The following TUSC3 variants were observed in gnomAD, a reference collection of about 807,000 sequenced individuals.
TUSC3 encodes tumor suppressor candidate 3.
TUSC3 carries 45 observed loss-of-function variants against 44.8 expected under a neutral mutation model. The ratio of observed to expected loss-of-function variants is 1.00; its 90% CI spans 0.79 to 1.29. The LOEUF (loss-of-function observed/expected upper bound fraction) is 1.29. TUSC3 is among the 50% of genes most tolerant of loss of function. The pLI, the probability that TUSC3 is intolerant of heterozygous loss-of-function variation, is 0.00. For missense variants in TUSC3, 519 were observed against 437.9 expected (o/e 1.19, Z -1.65); for synonymous variants, 212 against 152.9 (o/e 1.39, Z -2.85).
chr8:15,599,786 G>T (rs1804210348), intron 1 of TUSC3, among the ~76,000 whole-genome samples: 1 of 134,806 alleles, frequency 7.4e-6, no homozygotes, highest in Admixed American at 7.8e-5. Flanking sequence ...CTGTTATTTT[G>T]CCAGTACCCC....
intron 6 of TUSC3, among the ~76,000 whole-genome samples, chr8:15,702,884 G>A (rs1385197868): frequency 6.6e-6 from 1 of 152,090 alleles, no homozygotes; most frequent in East Asian, 1.9e-4. Flanking sequence ...GCATTGCTAG[G>A]CATAGTTGAC....
chr8:15,616,286 C>G (rs1373316759), intron 1 of TUSC3, among the ~76,000 whole-genome samples: 2 of 152,050 alleles, frequency 1.3e-5, no homozygotes, highest in Non-Finnish European at 2.9e-5. Context: ...ATATGTGTTT[C>G]AGAATATCAG....
intron 2 of TUSC3, 37 bp downstream of exon 2, chr8:15,623,286 T>G (rs762419157): frequency 6.5e-7 from 1 of 1,530,634 alleles, no homozygotes; most frequent in South Asian, 1.3e-5. Flanking sequence ...AAAACTATTA[T>G]TCTTGGTTTA....
At chr8:15,692,369 C>CT (rs1563175827) in intron 6 of TUSC3, among the ~76,000 whole-genome samples, 1 of 52,576 alleles carries the variant, frequency 1.9e-5, no homozygotes, top group Non-Finnish European at 3.7e-5. Context: ...CCCCCCCCCC[C>CT]CCTTTGTTTT....
intron 6 of TUSC3, among the ~76,000 whole-genome samples, chr8:15,681,723 GT>G (rs1185682951): frequency 1.3e-5 from 2 of 151,742 alleles, no homozygotes; most frequent in Non-Finnish European, 2.9e-5. Flanking sequence ...TTTTGGGCTA[GT>G]TTTTTCTTGT....
At chr8:15,504,590 T>G (rs1362206841) in intron 2 of TUSC3, among the ~76,000 whole-genome samples, 1 of 18,142 alleles carries the variant, frequency 5.5e-5, no homozygotes, top group Non-Finnish European at 1.2e-4. Context: ...TATATATATA[T>G]ATATATATAT....
the TUSC3 span, among the ~76,000 whole-genome samples, chr8:15,844,911 G>A: frequency 6.6e-6 from 1 of 152,094 alleles, no homozygotes; most frequent in Non-Finnish European, 1.5e-5. Flanking sequence ...ATGATCGTGA[G>A]TGGTCTTAAA....
intron 1 of TUSC3, among the ~76,000 whole-genome samples, chr8:15,576,510 G>A (rs1803123199): frequency 7.7e-6 from 1 of 129,638 alleles, no homozygotes; most frequent in Non-Finnish European, 1.5e-5. Flanking sequence ...CCCTTCCTGT[G>A]TCCATGTGAT....
the TUSC3 span, among the ~76,000 whole-genome samples, chr8:15,805,050 G>T: frequency 1.3e-5 from 2 of 151,930 alleles, no homozygotes; most frequent in African/African-American, 4.8e-5. Flanking sequence ...TCACTTCCTC[G>T]GTTAGATGTA....
chr8:15,423,817 G>C (rs575957896), intron 1 of TUSC3, among the ~76,000 whole-genome samples: 1 of 151,948 alleles, frequency 6.6e-6, no homozygotes, highest in Non-Finnish European at 1.5e-5. Flanking sequence ...TCGCTGTCTG[G>C]AGCCCTCATA....
the TUSC3 span, among the ~76,000 whole-genome samples, chr8:15,797,641 G>C: frequency 6.6e-6 from 1 of 152,154 alleles, no homozygotes; most frequent in African/African-American, 2.4e-5. Flanking sequence ...TGCTCCTTGT[G>C]GCAAATGGCA....
chr8:15,467,355 C>G (rs1800427870), intron 1 of TUSC3, among the ~76,000 whole-genome samples: 2 of 150,912 alleles, frequency 1.3e-5, no homozygotes, highest in African/African-American at 4.9e-5. Flanking sequence ...CTTGAACTCA[C>G]TAAGTCAAAA....
chr8:15,625,930 A>G (rs776714308), intron 2 of TUSC3, among the ~76,000 whole-genome samples: 2 of 152,214 alleles, frequency 1.3e-5, no homozygotes, highest in Non-Finnish European at 2.9e-5. Flanking sequence ...TATAAACACT[A>G]TTGTCAGAAT....
chr8:15,663,628 T>C (rs1807525245), intron 5 of TUSC3, among the ~76,000 whole-genome samples: 1 of 151,924 alleles, frequency 6.6e-6, no homozygotes. Flanking sequence ...GTTTGGCCTT[T>C]TAAGAGCAAG....
At chr8:15,722,872 T>C (rs577440387) in intron 6 of TUSC3, among the ~76,000 whole-genome samples, 2 of 152,008 alleles carry the variant, frequency 1.3e-5, no homozygotes, top group African/African-American at 4.8e-5. Flanking sequence ...TTTCCCTGAA[T>C]ATATAGCCTT....
intron 2 of TUSC3, among the ~76,000 whole-genome samples, chr8:15,523,823 C>T (rs1007899887): frequency 1.3e-5 from 2 of 150,306 alleles, no homozygotes; most frequent in Non-Finnish European, 3.0e-5. Context: ...TTTGAAAGGC[C>T]GAGGCAGGCA....
chr8:15,825,195 C>G, the TUSC3 span, among the ~76,000 whole-genome samples: 1 of 152,062 alleles, frequency 6.6e-6, no homozygotes, highest in African/African-American at 2.4e-5. Flanking sequence ...TATTAAGTAC[C>G]TACTATGTTT....
At chr8:15,615,523 T>G (rs1380339388) in intron 1 of TUSC3, among the ~76,000 whole-genome samples, 1 of 152,138 alleles carries the variant, frequency 6.6e-6, no homozygotes, top group East Asian at 1.9e-4. Flanking sequence ...AAATTACAGA[T>G]AAGAGTAATA....
intron 2 of TUSC3, among the ~76,000 whole-genome samples, chr8:15,512,931 C>CATATATATATATATATATAT (rs10696221): frequency 4.5e-4 from 50 of 110,568 alleles, no homozygotes; most frequent in African/African-American, 1.5e-3. Flanking sequence ...TATATATAAT[C>CATATATATATATATATATAT]ATATATATAT....
Sources: gnomAD v4.1 joint callset for allele counts (sites outside exome capture counted in the v4.1 genomes callset) on GRCh38, gnomAD v4.1.1 for gene constraint, MANE v1.5 for transcripts, NCBI Gene and HGNC (gene_info 2026-07-23, HGNC 2026-07-21) for gene names.